Variants in CEP128 observed in about 807,000 individuals in gnomAD.
The protein encoded by CEP128 is centrosomal protein 128kDa.
Under a neutral mutation model 156.7 loss-of-function variants are expected in CEP128, and 132 were observed. The observed-to-expected ratio is 0.84, with a 90% CI of 0.73 to 0.97. The LOEUF (loss-of-function observed/expected upper bound fraction) is 0.97. Ranked by LOEUF, CEP128 falls within the 50% of genes least tolerant of loss-of-function variation. The pLI, the probability that CEP128 is intolerant of heterozygous loss-of-function variation, is 0.00. For missense variants in CEP128, 1,252 were observed against 1,281.9 expected (o/e 0.98, Z 0.36); for synonymous variants, 469 against 448.9 (o/e 1.04, Z -0.57).
chr14:80,557,125 C>T (rs1038615490), intron 21 of CEP128, among the ~76,000 whole-genome samples: 5 of 152,004 alleles, frequency 3.3e-5, no homozygotes, highest in African/African-American at 9.7e-5. Context: ...TTTATTCTTA[C>T]GGGAACCTTT....
intron 2 of CEP128, among the ~76,000 whole-genome samples, chr14:80,927,539 A>C (rs1486367076): frequency 6.6e-6 from 1 of 152,156 alleles, no homozygotes. Context: ...CCGCCTCTAC[A>C]TGCATGAAAA....
intron 17 of CEP128, among the ~76,000 whole-genome samples, chr14:80,758,066 T>C (rs901690979): frequency 6.6e-6 from 1 of 152,348 alleles, no homozygotes; most frequent in Admixed American, 6.5e-5. Context: ...TTATTATTCT[T>C]TTTCATTCAT....
intron 14 of CEP128, among the ~76,000 whole-genome samples, chr14:80,480,859 G>A (rs762570196): frequency 4.6e-5 from 7 of 152,194 alleles, no homozygotes; most frequent in Admixed American, 1.3e-4. Context: ...CATAACAAGC[G>A]TCACCTTTAC....
chr14:80,681,006 C>T (rs1044931030), intron 19 of CEP128, among the ~76,000 whole-genome samples: 6 of 151,972 alleles, frequency 3.9e-5, no homozygotes, highest in African/African-American at 1.2e-4. Flanking sequence ...ATATACTATA[C>T]GTATATACCA....
At chr14:80,576,311 A>G (rs1161760840) in intron 20 of CEP128, among the ~76,000 whole-genome samples, 1 of 152,182 alleles carries the variant, frequency 6.6e-6, no homozygotes, top group Non-Finnish European at 1.5e-5. Context: ...ATGTATCTCA[A>G]ACTCATATGC....
In CEP128 at chr14:80,806,851, C is replaced by A. The variant is rs116818934; in HGVS notation, c.1210-13741G>T. Among the ~76,000 whole-genome samples the A allele has an allele frequency of 6.0e-3, 907 of 152,044 alleles. 8 individuals are homozygous for A. Among genetic ancestry groups the A allele is most frequent in the African/African-American group, 0.021 (870 of 41,476 alleles). On this transcript the variant is annotated intron_variant, in intron 13 of 24. Coordinates refer to ENST00000555265, the MANE Select transcript of CEP128 (RefSeq NM_152446.5). Reference sequence around the variant, plus strand: ...TAAAACAAATATTGAGGGAGAGAAACTAAATATAACACAACACCTAATATT... The same window carrying A: ...TAAAACAAATATTGAGGGAGAGAAAATAAATATAACACAACACCTAATATT...
At chr14:80,957,397 T>A (rs1006330293) in intron 2 of CEP128, among the ~76,000 whole-genome samples, 1 of 151,762 alleles carries the variant, frequency 6.6e-6, no homozygotes, top group African/African-American at 2.4e-5. Flanking sequence ...CAAGCTTCTC[T>A]AACATAGGGA....
chr14:80,898,464 A>T (rs1157116871), intron 7 of CEP128, among the ~76,000 whole-genome samples: 2 of 152,142 alleles, frequency 1.3e-5, no homozygotes, highest in African/African-American at 4.8e-5. Flanking sequence ...CTATTACCAG[A>T]TCTTACAAGC....
chr14:80,542,477 A>C (rs925778336), intron 21 of CEP128, among the ~76,000 whole-genome samples: 2 of 152,206 alleles, frequency 1.3e-5, no homozygotes, highest in African/African-American at 4.8e-5. Context: ...AATAATAAAA[A>C]CAAAAAACAG....
chr14:80,543,419 C>G (rs1007459980), intron 21 of CEP128, among the ~76,000 whole-genome samples: 6 of 152,178 alleles, frequency 3.9e-5, no homozygotes, highest in African/African-American at 1.4e-4. Flanking sequence ...TTTTGACAAA[C>G]AATTTATCTA....
At chr14:80,486,819 C>G (rs1456802313), downstream of CEP128, among the ~76,000 whole-genome samples, 1 of 152,092 alleles carries the variant, frequency 6.6e-6, no homozygotes, top group Admixed American at 6.6e-5. Flanking sequence ...TAAAGTAAAG[C>G]AAATGCTGAG....
At chr14:80,564,920 G>T (rs532207245) in intron 20 of CEP128, among the ~76,000 whole-genome samples, 1 of 152,092 alleles carries the variant, frequency 6.6e-6, no homozygotes, top group Admixed American at 6.6e-5. Context: ...TTAGTCAGGC[G>T]TGGTGGCAGG....
intron 1 of CEP128, among the ~76,000 whole-genome samples, chr14:80,940,226 A>C (rs2139631517): frequency 6.6e-6 from 1 of 152,368 alleles, no homozygotes; most frequent in South Asian, 2.1e-4. Context: ...GAAACAGTTC[A>C]AAGAGACCCA....
At position 80,526,927 on chromosome 14, in the gene CEP128, C is replaced by T. The variant is rs774990465; in HGVS notation, c.3014G>A (p.Arg1005His). The T allele has an allele frequency of 3.2e-5, 52 of 1,609,494 alleles. No homozygotes were observed. The highest frequency in any genetic ancestry group is 4.1e-5 in the Non-Finnish European group (48 of 1,178,302). ...TDGRYSKYRV[R>H]RNSLQHHQDD... Reference sequence around the variant, plus strand: ...TTGGTGATGCTGAAGAGAATTTCTGCGAACCCTGTATTTGGAATATCTTCC... The same window carrying T: ...TTGGTGATGCTGAAGAGAATTTCTGTGAACCCTGTATTTGGAATATCTTCC... The change falls in exon 23 of 25, where the codon CGC becomes CAC. Residue 1005 changes from arginine (R) to histidine (H), a missense_variant. Transcript: ENST00000555265.
Position 80,836,532 on chromosome 14 carries a change from C to T in CEP128, c.925-195G>A, listed in dbSNP as rs572018916. Among the ~76,000 whole-genome samples the T allele has an allele frequency of 4.9e-4, 75 of 152,186 alleles. No homozygotes were observed. In the Middle Eastern group the frequency reaches 0.014, roughly 28 times the overall value. On this transcript the variant is annotated intron_variant, in intron 11 of 24. Transcript: ENST00000555265. ...TGAATGGCTTTTCCTTCTCTGTGTC[C>T]ACTGAGGCAAAGAATGGAATGTGAC...
chr14:80,921,276 G>C (rs554480072), intron 2 of CEP128, among the ~76,000 whole-genome samples: 27 of 152,116 alleles, frequency 1.8e-4, no homozygotes, highest in Non-Finnish European at 3.7e-4. Context: ...GGTCATGAAG[G>C]CTCCTCCCTT....
intron 2 of CEP128, among the ~76,000 whole-genome samples, chr14:80,922,723 A>G (rs1353290431): frequency 6.6e-6 from 1 of 152,246 alleles, no homozygotes; most frequent in African/African-American, 2.4e-5. Flanking sequence ...AAAGATTTAA[A>G]AGAAAAAAGT....
chr14:80,744,388 C>A, intron 18 of CEP128, among the ~76,000 whole-genome samples: 1 of 151,954 alleles, frequency 6.6e-6, no homozygotes, highest in East Asian at 1.9e-4. Flanking sequence ...AAAGTCTCAT[C>A]AAAAACAAAA....
chr14:80,642,620 T>C, intron 19 of CEP128, among the ~76,000 whole-genome samples: 1 of 152,056 alleles, frequency 6.6e-6, no homozygotes, highest in Non-Finnish European at 1.5e-5. Flanking sequence ...AAAGTCAAGG[T>C]TGCAGTAAGC....
Sources: gnomAD v4.1 joint callset for allele counts (sites outside exome capture counted in the v4.1 genomes callset) on GRCh38, gnomAD v4.1.1 for gene constraint, MANE v1.5 for transcripts, NCBI Gene and HGNC (gene_info 2026-07-23, HGNC 2026-07-21) for gene names.